The following RBMS3 variants were observed in gnomAD, a reference collection of about 807,000 sequenced individuals.
RBMS3 encodes the protein RNA-binding motif, single-stranded-interacting protein 3.
Under a neutral mutation model 66.8 loss-of-function variants are expected in RBMS3, and 27 were observed. The ratio of observed to expected loss-of-function variants is 0.40; its 90% confidence interval spans 0.30 to 0.56. The LOEUF (loss-of-function observed/expected upper bound fraction) is 0.56. Among genes scored for constraint, RBMS3 ranks in the 20% least tolerant of loss-of-function variants. The pLI, the probability that RBMS3 is intolerant of heterozygous loss-of-function variation, is 0.40. For synonymous variants in RBMS3, 188 were observed against 183.0 expected, an observed-to-expected ratio of 1.03 and a Z score of -0.22; for missense variants, 513 against 549.5, an observed-to-expected ratio of 0.93 and a Z score of 0.66.
At chr3:29,587,233 T>G (rs763860421) in intron 4 of RBMS3, 28 bp downstream of exon 4, 5 of 706,712 alleles carry the variant, frequency 7.1e-6, no homozygotes, top group Non-Finnish European at 7.9e-6. Flanking sequence ...GGGTGTTTTT[T>G]TTTTTTTTTT....
chr3:29,605,824 T>A (rs1207521188), intron 4 of RBMS3, among the ~76,000 whole-genome samples: 1 of 151,906 alleles, frequency 6.6e-6, no homozygotes, highest in Non-Finnish European at 1.5e-5. Context: ...CCTTTTGTAC[T>A]AATGTTGCTA....
At chr3:29,829,734 C>G (rs1326512195) in intron 6 of RBMS3, among the ~76,000 whole-genome samples, 1 of 152,146 alleles carries the variant, frequency 6.6e-6, no homozygotes, top group Non-Finnish European at 1.5e-5. Context: ...CTATCACATT[C>G]CCTATTTCAA....
At chr3:29,863,048 A>T (rs563389751) in intron 6 of RBMS3, among the ~76,000 whole-genome samples, 1 of 152,230 alleles carries the variant, frequency 6.6e-6, no homozygotes, top group Non-Finnish European at 1.5e-5. Context: ...CTATTCTACT[A>T]ATGTTTTCTC....
At position 29,697,396 on chromosome 3, in the gene RBMS3, G is replaced by A. The variant is rs186643867; in HGVS notation, c.400-42324G>A. ...ACATGCTTGTCCATCTCTCTGAAAC[G>A]TTGGGGGAACATGACCAGAACTTCA... On this transcript the variant is annotated intron_variant, in intron 4 of 14. Coordinates refer to ENST00000383767, the MANE Select transcript of RBMS3 (RefSeq NM_001003793.3). Among the ~76,000 whole-genome samples, 93 of 152,236 alleles carry A rather than the reference G, an allele frequency of 6.1e-4. 1 individual carries two copies. The highest frequency in any genetic ancestry group is 1.2e-4 in the Non-Finnish European group (8 of 68,002).
chr3:29,653,699 G>A (rs559529887), intron 4 of RBMS3, among the ~76,000 whole-genome samples: 14 of 152,010 alleles, frequency 9.2e-5, no homozygotes, highest in Middle Eastern at 3.4e-3. Context: ...TTTTGTTTTT[G>A]TTTTTATTTT....
intron 3 of RBMS3, among the ~76,000 whole-genome samples, chr3:29,530,527 A>G (rs1022241470): frequency 6.6e-6 from 1 of 152,046 alleles, no homozygotes; most frequent in Admixed American, 6.6e-5. Flanking sequence ...TGATAAAGAG[A>G]TGGACTTGGC....
intron 6 of RBMS3, among the ~76,000 whole-genome samples, chr3:29,771,592 T>TA (rs1442256956): frequency 6.6e-6 from 1 of 152,060 alleles, no homozygotes; most frequent in Admixed American, 6.6e-5. Flanking sequence ...AGGTTGCTAA[T>TA]AAACAGACCT....
At chr3:29,748,767 A>G (rs2055043241) in intron 5 of RBMS3, among the ~76,000 whole-genome samples, 1 of 152,188 alleles carries the variant, frequency 6.6e-6, no homozygotes, top group East Asian at 1.9e-4. Flanking sequence ...GATGTTTTGA[A>G]GAAAGCATAG....
At chr3:29,457,682 C>T (rs947828876) in intron 2 of RBMS3, among the ~76,000 whole-genome samples, 19 of 152,034 alleles carry the variant, frequency 1.2e-4, no homozygotes, top group Admixed American at 5.2e-4. Context: ...AGATCTTGCC[C>T]CTGCACTCCA....
intron 1 of RBMS3, among the ~76,000 whole-genome samples, chr3:29,395,054 G>A (rs2125652610): frequency 6.6e-6 from 1 of 152,270 alleles, no homozygotes; most frequent in East Asian, 1.9e-4. Flanking sequence ...GTATTACTCT[G>A]TTTAGTTTTA....
chr3:29,435,661 G>A (rs2041370805), intron 2 of RBMS3, among the ~76,000 whole-genome samples: 1 of 152,112 alleles, frequency 6.6e-6, no homozygotes, highest in African/African-American at 2.4e-5. Context: ...AGACCTGGCC[G>A]GGCACAGTGG....
At chr3:29,376,260 G>C (rs2125612529) in intron 1 of RBMS3, among the ~76,000 whole-genome samples, 1 of 152,136 alleles carries the variant, frequency 6.6e-6, no homozygotes, top group East Asian at 1.9e-4. Flanking sequence ...TAATACCTAA[G>C]TGATGGGATC....
intron 10 of RBMS3, among the ~76,000 whole-genome samples, chr3:29,914,911 C>T (rs966280782): frequency 2.6e-5 from 4 of 151,812 alleles, no homozygotes; most frequent in African/African-American, 9.7e-5. Context: ...TCCATAGCCA[C>T]TAGCCCAGCT....
chr3:29,494,879 A>G (rs752995932), intron 3 of RBMS3, among the ~76,000 whole-genome samples: 8 of 152,022 alleles, frequency 5.3e-5, no homozygotes, highest in Admixed American at 2.0e-4. Context: ...GAAAGTTTCC[A>G]TGCCTATTAA....
intron 1 of RBMS3, among the ~76,000 whole-genome samples, chr3:29,404,322 C>G (rs1311223218): frequency 2.0e-5 from 3 of 152,062 alleles, no homozygotes; most frequent in Non-Finnish European, 4.4e-5. Context: ...GTGGTTTACC[C>G]TTCTTTTCCC....
chr3:29,853,942 C>T (rs943286347), intron 6 of RBMS3, among the ~76,000 whole-genome samples: 5 of 152,170 alleles, frequency 3.3e-5, no homozygotes, highest in South Asian at 2.1e-4. Flanking sequence ...TCTGGTAGCC[C>T]CAGGTGCCTA....
chr3:29,672,875 A>G (rs1413886205), intron 4 of RBMS3, among the ~76,000 whole-genome samples: 2 of 152,138 alleles, frequency 1.3e-5, no homozygotes, highest in African/African-American at 4.8e-5. Flanking sequence ...GATCAACAAG[A>G]CAGAAAGGTA....
chr3:29,972,953 C>G (rs893944646), intron 12 of RBMS3, among the ~76,000 whole-genome samples: 3 of 151,940 alleles, frequency 2.0e-5, no homozygotes, highest in Admixed American at 6.6e-5. Flanking sequence ...AATAAAGAAG[C>G]AAGCCTAGTC....
intron 4 of RBMS3, among the ~76,000 whole-genome samples, chr3:29,666,161 T>G (rs1442905508): frequency 2.0e-5 from 3 of 152,206 alleles, no homozygotes; most frequent in Admixed American, 1.3e-4. Context: ...AAGCATTTGT[T>G]CAAATGTCAC....
Sources: gnomAD v4.1 joint callset for allele counts (sites outside exome capture counted in the v4.1 genomes callset) on GRCh38, gnomAD v4.1.1 for gene constraint, MANE v1.5 for transcripts, NCBI Gene and HGNC (gene_info 2026-07-23, HGNC 2026-07-21) for gene names.